Variants in SLC22A25 observed in about 807,000 individuals in gnomAD.
SLC22A25 encodes MGI:2442751, MGI:2385316, MGI:3042283, MGI:3645714, MGI:3605624, MGI:2442750.
In SLC22A25, 44 loss-of-function variants were observed where a neutral mutation model predicts 45.9. That is an observed-to-expected ratio of 0.96 (90% confidence interval 0.75 to 1.23). The LOEUF is 1.23. Among genes scored for constraint, SLC22A25 ranks in the 50% most tolerant of loss-of-function variants. SLC22A25 has a pLI of 0.00. For missense variants in SLC22A25, 800 were observed against 666.4 expected, an observed-to-expected ratio of 1.20 and a Z score of -2.21; for synonymous variants, 283 against 238.6, an observed-to-expected ratio of 1.19 and a Z score of -1.72.
rs113210006 is a variant in SLC22A25, at chr11:63,166,736, T to C, written c.1071-478A>G. On this transcript the variant is annotated intron_variant, in intron 9 of 11. Coordinates refer to ENST00000306494, the MANE Select transcript of SLC22A25 (RefSeq NM_199352.6). ...TACAACTTATTGGGTACAGATTGTATATTCATGGCATTCATTCTGTAGATG... is the reference window on the plus strand; with the variant it reads ...TACAACTTATTGGGTACAGATTGTACATTCATGGCATTCATTCTGTAGATG... The C allele has an allele frequency of 8.5e-3, 8,434 of 988,314 alleles. 554 individuals are homozygous for C. The African/African-American group carries it at 0.13, about 16-fold the overall frequency. The allele number at this position is 988,314 out of a possible 1,614,324, so 61.2% of individuals were successfully genotyped here.
intron 7 of SLC22A25, among the ~76,000 whole-genome samples, chr11:63,191,235 C>T (rs1402356940): frequency 6.6e-6 from 1 of 152,194 alleles, no homozygotes; most frequent in Non-Finnish European, 1.5e-5. Context: ...CCTACTCAAA[C>T]CTTGGCAATG....
intron 5 of SLC22A25, chr11:63,220,133 T>C (rs1441350192): frequency 1.5e-6 from 1 of 653,280 alleles, no homozygotes; most frequent in East Asian, 6.8e-5. Flanking sequence ...AGGTAGAGGT[T>C]GTAATACCTC....
chr11:63,226,029 A>T (rs562269577), intron 5 of SLC22A25, among the ~76,000 whole-genome samples: 2 of 151,924 alleles, frequency 1.3e-5, no homozygotes, highest in Admixed American at 6.6e-5. Context: ...ATCTAATAGG[A>T]TTCTGAATTC....
At chr11:63,178,124 C>T (rs946860165) in intron 9 of SLC22A25, among the ~76,000 whole-genome samples, 1 of 151,774 alleles carries the variant, frequency 6.6e-6, no homozygotes, top group African/African-American at 2.4e-5. Flanking sequence ...CTTCTGGACT[C>T]AAGCAATCCA....
intron 7 of SLC22A25, among the ~76,000 whole-genome samples, chr11:63,203,536 T>C (rs963094244): frequency 1.3e-5 from 2 of 151,400 alleles, no homozygotes; most frequent in Non-Finnish European, 2.9e-5. Context: ...GCAAAATTGA[T>C]CAAGCAGAAG....
chr11:63,230,212 T>C (rs543295768), intron 3 of SLC22A25, among the ~76,000 whole-genome samples, 116 bp from the exon 4 acceptor site: 24 of 152,336 alleles, frequency 1.6e-4, no homozygotes, highest in African/African-American at 5.3e-4. Context: ...AACCTTCCAT[T>C]TTGTTGACTG....
At chr11:63,242,745 G>C (rs185458313) in intron 1 of SLC22A25, among the ~76,000 whole-genome samples, 2 of 152,270 alleles carry the variant, frequency 1.3e-5, no homozygotes, top group African/African-American at 4.8e-5. Flanking sequence ...CTCATAGACT[G>C]TGATCCCTAT....
intron 7 of SLC22A25, among the ~76,000 whole-genome samples, chr11:63,196,322 A>G (rs1335997204): frequency 6.6e-6 from 1 of 152,200 alleles, no homozygotes; most frequent in Non-Finnish European, 1.5e-5. Flanking sequence ...TTTTAGACCA[A>G]TATCCCTGAT....
At chr11:63,193,813 T>C (rs1462905916) in intron 7 of SLC22A25, among the ~76,000 whole-genome samples, 2 of 152,178 alleles carry the variant, frequency 1.3e-5, no homozygotes, top group East Asian at 3.9e-4. Flanking sequence ...GGAGGTGACT[T>C]TGATGAGTTG....
chr11:63,213,669 C>T (rs2089637364), intron 7 of SLC22A25, among the ~76,000 whole-genome samples: 1 of 152,132 alleles, frequency 6.6e-6, no homozygotes, highest in Admixed American at 6.5e-5. Context: ...TACCTTGAAC[C>T]CAGCTACCCT....
intron 7 of SLC22A25, among the ~76,000 whole-genome samples, chr11:63,187,315 T>A (rs1028717934): frequency 2.0e-5 from 3 of 152,198 alleles, no homozygotes; most frequent in African/African-American, 7.2e-5. Flanking sequence ...CAGTTGCGAA[T>A]GGGAGTTCAC....
chr11:63,226,433 A>C (rs10897397), intron 5 of SLC22A25, among the ~76,000 whole-genome samples: 56,630 of 152,028 alleles, frequency 0.37, 10,791 homozygotes, highest in East Asian at 0.56. Flanking sequence ...AAGATCTGGA[A>C]AAATTATTTG....
At position 63,217,640 on chromosome 11, in the gene SLC22A25, G is replaced by C; in HGVS notation, c.602C>G (p.Ser201Cys). Residue 201 changes from serine to cysteine, a missense_variant, in exon 6 of 12, where the codon TCC becomes TGC. Transcript: ENST00000306494. ...AFAPTILVYC[S>C]LRFLAGAATF... ...AGCAGCCCCAGCCAAGAAGCGCAGG[G>C]AGCAGTATACGAGGATGGTGGGAGC... 1 of 1,614,012 alleles carries C rather than the reference G, an allele frequency of 6.2e-7. No individual in the cohort carries two copies. The highest frequency in any genetic ancestry group is 8.5e-7 in the Non-Finnish European group (1 of 1,180,014).
At chr11:63,183,967 A>G (rs2088425074) in intron 7 of SLC22A25, 150 bp from the exon 8 acceptor site, 1 of 1,115,778 alleles carries the variant, frequency 9.0e-7, no homozygotes, top group South Asian at 1.6e-5. Context: ...CTCTTGTGCC[A>G]TCACCAGGAA....
At chr11:63,240,587 T>C (rs1312739339) in intron 1 of SLC22A25, among the ~76,000 whole-genome samples, 1 of 152,200 alleles carries the variant, frequency 6.6e-6, no homozygotes, top group African/African-American at 2.4e-5. Flanking sequence ...AATATAAACA[T>C]GTTGCACAGC....
chr11:63,216,905 T>C (rs1192199856), intron 7 of SLC22A25, among the ~76,000 whole-genome samples: 1 of 152,320 alleles, frequency 6.6e-6, no homozygotes, highest in South Asian at 2.1e-4. Flanking sequence ...TATAAGCATG[T>C]CCCATGAGAT....
rs906506089 is a variant in SLC22A25, at chr11:63,160,491, G to C, written c.*3333C>G. On this transcript the variant is annotated 3_prime_UTR_variant, in exon 12 of 12. Transcript: ENST00000306494. ...TTTCAGAGGATGTATGGAAATGCCT[G>C]GATGCCCAGGTAGAAGTTTGCTGCA... Among the ~76,000 whole-genome samples the C allele has an allele frequency of 5.3e-5, 8 of 152,234 alleles. No individual in the cohort carries two copies. Among genetic ancestry groups the C allele is most frequent in the African/African-American group, 1.9e-4 (8 of 41,466 alleles).
chr11:63,182,048 C>T (rs367652562), intron 8 of SLC22A25, among the ~76,000 whole-genome samples: 2 of 152,032 alleles, frequency 1.3e-5, no homozygotes, highest in South Asian at 4.1e-4. Flanking sequence ...GCTAGAAGGG[C>T]TTCCTAGAGT....
chr11:63,216,252 GA>G (rs2089708072), intron 7 of SLC22A25, among the ~76,000 whole-genome samples: 1 of 152,152 alleles, frequency 6.6e-6, no homozygotes, highest in African/African-American at 2.4e-5. Flanking sequence ...GGAGAAAAAG[GA>G]ATGCTTTTAC....
Sources: allele counts gnomAD v4.1 joint callset (sites outside exome capture counted in the v4.1 genomes callset), GRCh38; gene constraint gnomAD v4.1.1; transcripts MANE v1.5; gene names NCBI Gene and HGNC (gene_info 2026-07-23, HGNC 2026-07-21).